Variants in RERE observed in about 807,000 individuals in gnomAD.
The protein encoded by RERE is arginine-glutamic acid dipeptide repeats protein.
Under a neutral mutation model 146.1 loss-of-function variants are expected in RERE, and 40 were observed. That is an observed-to-expected ratio of 0.27 (90% CI 0.21 to 0.36). The LOEUF (loss-of-function observed/expected upper bound fraction) is 0.36, where lower values mean the gene tolerates loss of function less well. RERE is among the 10% of genes least tolerant of loss of function. The pLI is 1.00. For missense variants in RERE, 1,933 were observed against 2,138.7 expected (o/e 0.90, Z 1.90); for synonymous variants, 1,003 against 866.0 (o/e 1.16, Z -2.78).
At chr1:8,767,856 C>T (rs1192340331) in intron 1 of RERE, among the ~76,000 whole-genome samples, 2 of 152,038 alleles carry the variant, frequency 1.3e-5, no homozygotes, top group East Asian at 3.9e-4. Flanking sequence ...GTCCCAGCTA[C>T]TTGGGAGGCT....
At chr1:8,796,593 G>A (rs1405490854) in intron 1 of RERE, 2 of 151,996 alleles carry the variant, frequency 1.3e-5, no homozygotes, top group Non-Finnish European at 2.9e-5. Flanking sequence ...AAATACAGCA[G>A]TGAGAAGAGG....
At chr1:8,527,856 T>C (rs1286020366) in intron 7 of RERE, among the ~76,000 whole-genome samples, 2 of 152,058 alleles carry the variant, frequency 1.3e-5, no homozygotes, top group Non-Finnish European at 2.9e-5. Flanking sequence ...CTCTCTCCCG[T>C]GGAAAAGTCA....
chr1:8,559,911 G>A (rs1280078987), intron 4 of RERE, among the ~76,000 whole-genome samples: 1 of 152,164 alleles, frequency 6.6e-6, no homozygotes, highest in African/African-American at 2.4e-5. Context: ...AGAGCAGCTA[G>A]AAAGTGTAGG....
intron 4 of RERE, among the ~76,000 whole-genome samples, chr1:8,575,561 A>ATATATATAT (rs1337650659): frequency 2.0e-5 from 2 of 98,680 alleles, no homozygotes; most frequent in Non-Finnish European, 3.8e-5. Context: ...ATATATATAT[A>ATATATATAT]TTTTTTTTTT....
At chr1:8,396,036 G>T (rs1643044910) in intron 12 of RERE, among the ~76,000 whole-genome samples, 1 of 152,188 alleles carries the variant, frequency 6.6e-6, no homozygotes, top group Non-Finnish European at 1.5e-5. Flanking sequence ...GGATTCCAGA[G>T]AAAGACTTTG....
chr1:8,391,638 CT>C (rs1167287581), intron 12 of RERE, among the ~76,000 whole-genome samples: 5 of 152,176 alleles, frequency 3.3e-5, no homozygotes, highest in Non-Finnish European at 5.9e-5. Context: ...TTAGGTCCCC[CT>C]GTTATGATTT....
intron 1 of RERE, among the ~76,000 whole-genome samples, chr1:8,775,272 C>T (rs531545814): frequency 2.0e-5 from 3 of 152,062 alleles, no homozygotes; most frequent in Non-Finnish European, 2.9e-5. Flanking sequence ...TTTCTTCTTT[C>T]TTCATAAATT....
chr1:8,694,802 G>C (rs1054970542), intron 1 of RERE, among the ~76,000 whole-genome samples: 2 of 151,666 alleles, frequency 1.3e-5, no homozygotes, highest in African/African-American at 4.9e-5. Flanking sequence ...AAAAACATTT[G>C]ATGCTCATAG....
intron 9 of RERE, among the ~76,000 whole-genome samples, chr1:8,496,929 G>A (rs571595607): frequency 6.6e-6 from 1 of 152,284 alleles, no homozygotes; most frequent in South Asian, 2.1e-4. Flanking sequence ...GAACGTGTCG[G>A]TTTGTTACAT....
Position 8,394,810 on chromosome 1 carries a change from A to G in RERE, c.1284+27917T>C, listed in dbSNP as rs55819613. Among the ~76,000 whole-genome samples, 1,347 of 152,258 alleles carry G rather than the reference A, an allele frequency of 8.8e-3. 13 individuals carry two copies. Among genetic ancestry groups the G allele is most frequent in the Non-Finnish European group, 0.013 (871 of 68,016 alleles). On this transcript the variant is annotated intron_variant, in intron 12 of 22. Transcript: ENST00000400908. Reference sequence around the variant, plus strand: ...TCCACTACTAGTATATATATATATTATATCTCCATGAAGCACTTACCACAG... The same window carrying G: ...TCCACTACTAGTATATATATATATTGTATCTCCATGAAGCACTTACCACAG...
chr1:8,465,881 G>A lies in RERE; in HGVS notation c.1203+44C>T, dbSNP rs772400223. 5.2e-6 allele frequency: 8 copies of A among 1,535,342 alleles called. No individual in the cohort carries two copies. In the Admixed American group the frequency reaches 1.2e-4, roughly 22 times the overall value. Reference sequence around the variant, plus strand: ...GAGGTCACACACTGAGACGCCGGTGGCCCGATGCCCCAGAGCACAAGGCAA... The same window carrying A: ...GAGGTCACACACTGAGACGCCGGTGACCCGATGCCCCAGAGCACAAGGCAA... On this transcript the variant is annotated intron_variant, in intron 11 of 22. Transcript: ENST00000400908.
intron 1 of RERE, among the ~76,000 whole-genome samples, chr1:8,674,529 G>T (rs1227950703): frequency 6.6e-6 from 1 of 152,124 alleles, no homozygotes; most frequent in Non-Finnish European, 1.5e-5. Context: ...AACAACACTT[G>T]TACTGGTCTT....
At chr1:8,799,161 T>A (rs1027077873) in intron 1 of RERE, 2 of 151,726 alleles carry the variant, frequency 1.3e-5, no homozygotes, top group Non-Finnish European at 2.9e-5. Flanking sequence ...GTCCAGCTAA[T>A]TCTTGTATTT....
chr1:8,507,799 CCA>C (rs1317106370), intron 8 of RERE, among the ~76,000 whole-genome samples: 3 of 131,636 alleles, frequency 2.3e-5, no homozygotes, highest in Non-Finnish European at 3.1e-5. Context: ...AGTCCAGTGG[CCA>C]CAGTCTTGGC....
intron 11 of RERE, among the ~76,000 whole-genome samples, chr1:8,463,501 T>C (rs1004470816): frequency 1.3e-5 from 2 of 152,040 alleles, no homozygotes; most frequent in East Asian, 1.9e-4. Context: ...GCAGCAGCAA[T>C]GGGGAGACAA....
intron 7 of RERE, among the ~76,000 whole-genome samples, chr1:8,509,780 C>A (rs1645308819): frequency 6.6e-6 from 1 of 152,186 alleles, no homozygotes. Context: ...GGCAACAGAG[C>A]ATGACCCTGT....
chr1:8,545,982 C>CTTTTTTTTTTTTTT lies in RERE; in HGVS notation c.726-4678_726-4665dup, dbSNP rs3050828. Among the ~76,000 whole-genome samples the CTTTTTTTTTTTTTT allele has an allele frequency of 1.4e-3, 98 of 69,472 alleles. 10 individuals carry two copies. The highest frequency in any genetic ancestry group is 0.013 in the Middle Eastern group (1 of 80). 45.6% of individuals were successfully genotyped at this position (69,472 alleles called of 152,430 possible). A position where few individuals can be genotyped will look rare whatever the true frequency, so the allele number is the denominator to read the frequency against. On this transcript the variant is annotated intron_variant, in intron 6 of 22. Transcript: ENST00000400908. ...ACAGGTGCAAGCTACCATACCCAGT[C>CTTTTTTTTTTTTTT]TTTTTTTTTTTTTTTTTTTTTTTTT...
rs1349915221 is a variant in RERE at position 8,557,364 on chromosome 1, G to T, written c.628+54C>A. 2.6e-5 allele frequency: 30 copies of T among 1,171,124 alleles called. No homozygotes were observed. The Middle Eastern group carries it at 5.7e-4, about 22-fold the overall frequency. The allele number at this position is 1,171,124 out of a possible 1,614,324, so 72.5% of individuals were successfully genotyped here. A position where few individuals can be genotyped will look rare whatever the true frequency, so the allele number is the denominator to read the frequency against. ...TCATTTAATGAAATGTCTTTAGAAA[G>T]AACTTTGCCCAAAGCTAAGAAACAC... is the stretch of plus-strand genomic sequence containing the variant. On this transcript the variant is annotated intron_variant, in intron 5 of 22. Coordinates refer to ENST00000400908, the MANE Select transcript of RERE (RefSeq NM_001042681.2).
intron 1 of RERE, chr1:8,750,531 A>G: frequency 9.6e-7 from 1 of 1,045,600 alleles, no homozygotes; most frequent in Non-Finnish European, 1.5e-6. Context: ...CTCCTGAGAA[A>G]GAAGTCTGCC....
Sources: gnomAD v4.1 joint callset for allele counts (sites outside exome capture counted in the v4.1 genomes callset) on GRCh38, gnomAD v4.1.1 for gene constraint, MANE v1.5 for transcripts, NCBI Gene and HGNC (gene_info 2026-07-23, HGNC 2026-07-21) for gene names.